Variants in BCAS3 observed in about 807,000 individuals in gnomAD.
BCAS3 encodes the protein BCAS4/BCAS3 fusion.
Under a neutral mutation model 116.1 loss-of-function variants are expected in BCAS3, and 53 were observed. That is an observed-to-expected ratio of 0.46 (90% CI 0.37 to 0.57). The LOEUF (loss-of-function observed/expected upper bound fraction) is 0.57. Among genes scored for constraint, BCAS3 ranks in the 20% least tolerant of loss-of-function variants. The pLI, the probability that BCAS3 is intolerant of heterozygous loss-of-function variation, is 0.00. For missense variants in BCAS3, 917 were observed against 1,165.4 expected, an observed-to-expected ratio of 0.79 and a Z score of 3.10; for synonymous variants, 391 against 408.2, an observed-to-expected ratio of 0.96 and a Z score of 0.51.
intron 14 of BCAS3, among the ~76,000 whole-genome samples, chr17:60,970,129 T>C (rs940879151): frequency 3.3e-5 from 5 of 152,230 alleles, no homozygotes; most frequent in African/African-American, 1.2e-4. Flanking sequence ...GATTGAATTA[T>C]TTTGTTGGTA....
In BCAS3 at chr17:61,021,285, C is replaced by T. The variant is rs1432547375; in HGVS notation, c.1637+5384C>T. ...ATGTTGCCCAAGCTGGTCTTGAACT[C>T]CTGGTCTCAAGTGATCCAACTGCCT... On this transcript the variant is annotated intron_variant, in intron 16 of 23. Transcript: ENST00000407086. This position sits in a 1 kb window ranked among gnomAD's most constrained non-coding sequence, Gnocchi z 4.6. Among the ~76,000 whole-genome samples, 2 of 152,156 alleles carry T rather than the reference C, an allele frequency of 1.3e-5. No individual in the cohort carries two copies. The highest frequency in any genetic ancestry group is 6.5e-5 in the Admixed American group (1 of 15,282).
At position 61,377,549 on chromosome 17, in the gene BCAS3, C is replaced by T. The variant is rs1251076592; in HGVS notation, c.2593+9055C>T. 6.6e-6 allele frequency among the ~76,000 whole-genome samples: 1 copy of T among 152,158 alleles called. No homozygotes were observed. The highest frequency in any genetic ancestry group is 1.5e-5 in the Non-Finnish European group (1 of 68,030). On this transcript the variant is annotated intron_variant, in intron 23 of 23. Coordinates refer to ENST00000407086, the MANE Select transcript of BCAS3 (RefSeq NM_017679.5). This position sits in a 1 kb window ranked among gnomAD's most constrained non-coding sequence, Gnocchi z 4.6. ...AGCCCTCATCAAGCAATGGGGTAAA[C>T]CTGTGACCCTGGGCAAGTGCCTTTC... is the stretch of plus-strand genomic sequence containing the variant.
intron 15 of BCAS3, among the ~76,000 whole-genome samples, chr17:60,997,609 C>T (rs1343355732): frequency 2.0e-5 from 3 of 152,162 alleles, no homozygotes; most frequent in African/African-American, 4.8e-5. Context: ...GCATATCTTC[C>T]ACCGTTATTT....
intron 7 of BCAS3, among the ~76,000 whole-genome samples, chr17:60,818,684 G>A (rs1171847164): frequency 6.6e-6 from 1 of 152,116 alleles, no homozygotes; most frequent in East Asian, 1.9e-4. Context: ...CAGTTCCTTG[G>A]CACCAAATCC....
chr17:60,967,825 G>T lies in BCAS3; in HGVS notation c.1221+20473G>T, dbSNP rs1263746654. The stretch of plus-strand genomic sequence containing the variant: ...TTTCCTTCACTTGGTCCATTCCACT[G>T]TTGAGAGTCTCTGATGACTTCTTCA... On this transcript the variant is annotated intron_variant, in intron 14 of 23. Transcript: ENST00000407086. The surrounding 1 kb of genome is among the most constrained non-coding windows in gnomAD (Gnocchi z 4.7). Among the ~76,000 whole-genome samples the T allele has an allele frequency of 1.3e-5, 2 of 151,768 alleles. No individual in the cohort carries two copies. Among genetic ancestry groups the T allele is most frequent in the African/African-American group, 4.8e-5 (2 of 41,288 alleles).
intron 4 of BCAS3, among the ~76,000 whole-genome samples, chr17:60,697,057 G>A (rs1334150770): frequency 1.3e-5 from 2 of 151,728 alleles, no homozygotes; most frequent in East Asian, 2.0e-4. Context: ...GGGTATGGTG[G>A]TATGTCCCTG....
chr17:61,358,207 T>C (rs906948641), intron 22 of BCAS3, among the ~76,000 whole-genome samples: 43 of 152,198 alleles, frequency 2.8e-4, no homozygotes, highest in African/African-American at 1.0e-3. Flanking sequence ...ATTTAGAATG[T>C]TTTTCCATGT....
intron 7 of BCAS3, among the ~76,000 whole-genome samples, chr17:60,818,527 C>T (rs1340185121): frequency 6.6e-6 from 1 of 152,176 alleles, no homozygotes; most frequent in Non-Finnish European, 1.5e-5. Flanking sequence ...TCCCAGAGCC[C>T]TTATATATGA....
At chr17:60,879,581 G>T (rs780022053) in intron 9 of BCAS3, among the ~76,000 whole-genome samples, 3 of 152,200 alleles carry the variant, frequency 2.0e-5, no homozygotes, top group Non-Finnish European at 2.9e-5. Flanking sequence ...AAAAGACAAA[G>T]ACCGATAGAT....
intron 6 of BCAS3, among the ~76,000 whole-genome samples, chr17:60,793,282 A>G (rs2046932688): frequency 6.6e-6 from 1 of 151,900 alleles, no homozygotes; most frequent in African/African-American, 2.4e-5. Flanking sequence ...TTTTTAGTAG[A>G]GATGGGGTTT....
Position 61,098,211 on chromosome 17 carries a change from G to T in BCAS3, c.2425+13647G>T, listed in dbSNP as rs2074100217. On this transcript the variant is annotated intron_variant, in intron 22 of 23. Transcript: ENST00000407086. The surrounding 1 kb of genome is among the most constrained non-coding windows in gnomAD (Gnocchi z 4.2). ...CTTGACCTGAACCTGTAATTACTTG[G>T]ACATTTTGAAGGTAGCTTGTTGTTA... Among the ~76,000 whole-genome samples the T allele has an allele frequency of 6.6e-6, 1 of 152,168 alleles. No individual in the cohort carries two copies. Among genetic ancestry groups the T allele is most frequent in the African/African-American group, 2.4e-5 (1 of 41,440 alleles).
chr17:60,797,266 A>T (rs765899711), intron 6 of BCAS3, among the ~76,000 whole-genome samples: 2 of 152,158 alleles, frequency 1.3e-5, no homozygotes, highest in African/African-American at 4.8e-5. Context: ...TTCATCTATC[A>T]GTAGACTTTT....
intron 22 of BCAS3, among the ~76,000 whole-genome samples, chr17:61,108,318 T>TATATG (rs574609270): frequency 1.3e-3 from 204 of 152,308 alleles, no homozygotes; most frequent in Admixed American, 2.6e-3. Flanking sequence ...ATTTGATATG[T>TATATG]TTTAAATGAA....
At chr17:61,253,528 A>G (rs1439038337) in intron 22 of BCAS3, among the ~76,000 whole-genome samples, 6 of 151,918 alleles carry the variant, frequency 3.9e-5, no homozygotes, top group Non-Finnish European at 5.9e-5. Flanking sequence ...TGCTACTACT[A>G]TTTCTACAGT....
intron 14 of BCAS3, among the ~76,000 whole-genome samples, chr17:60,947,787 G>A (rs2060594389): frequency 6.6e-6 from 1 of 152,114 alleles, no homozygotes; most frequent in Non-Finnish European, 1.5e-5. Flanking sequence ...GATGAATATG[G>A]ATATATGAAT....
chr17:61,273,766 G>T (rs1037529237), intron 22 of BCAS3, among the ~76,000 whole-genome samples: 2 of 146,674 alleles, frequency 1.4e-5, no homozygotes, highest in African/African-American at 2.5e-5. Context: ...CTTTTTCTCT[G>T]TACTACAGTT....
chr17:60,946,567 A>G (rs952444907), intron 13 of BCAS3, among the ~76,000 whole-genome samples: 2 of 152,124 alleles, frequency 1.3e-5, no homozygotes, highest in African/African-American at 4.8e-5. Context: ...AGAAATTGCA[A>G]AAGAGGGAGT....
rs1467582876 is a variant in BCAS3 at position 61,377,487 on chromosome 17, A to G, written c.2593+8993A>G. On this transcript the variant is annotated intron_variant, in intron 23 of 23. Transcript: ENST00000407086. This position sits in a 1 kb window ranked among gnomAD's most constrained non-coding sequence, Gnocchi z 4.6. Reference sequence around the variant, plus strand: ...GCACCAAGCTCCCGCTATTGGGAAGAATGTGGTGTTTTTTTCCCCTTTTCG... The same window carrying G: ...GCACCAAGCTCCCGCTATTGGGAAGGATGTGGTGTTTTTTTCCCCTTTTCG... Among the ~76,000 whole-genome samples, 1 of 152,178 alleles carries G rather than the reference A, an allele frequency of 6.6e-6. No homozygotes were observed. Among genetic ancestry groups the G allele is most frequent in the African/African-American group, 2.4e-5 (1 of 41,430 alleles).
At chr17:61,123,636 G>A (rs1206596861) in intron 22 of BCAS3, among the ~76,000 whole-genome samples, 2 of 151,452 alleles carry the variant, frequency 1.3e-5, no homozygotes, top group Non-Finnish European at 2.9e-5. Context: ...TTGGGGGGGA[G>A]TGGGGGTACT....
Sources: allele counts gnomAD v4.1 joint callset (sites outside exome capture counted in the v4.1 genomes callset), GRCh38; gene constraint gnomAD v4.1.1; non-coding constraint Gnocchi (gnomAD v3.1); transcripts MANE v1.5; gene names NCBI Gene and HGNC (gene_info 2026-07-23, HGNC 2026-07-21).